The following LRRC4C variants were observed in gnomAD, a reference collection of about 807,000 sequenced individuals.
The protein encoded by LRRC4C is leucine-rich repeat-containing protein 4C.
Under a neutral mutation model 33.6 loss-of-function variants are expected in LRRC4C, and 5 were observed. The ratio of observed to expected loss-of-function variants is 0.15; its 90% CI spans 0.08 to 0.31. The LOEUF is 0.31. LRRC4C is among the 10% of genes least tolerant of loss of function. LRRC4C has a pLI of 1.00. For synonymous variants in LRRC4C, 329 were observed against 302.0 expected (o/e 1.09, Z -0.93); for missense variants, 560 against 796.7 (o/e 0.70, Z 3.58).
intron 1 of LRRC4C, among the ~76,000 whole-genome samples, chr11:41,157,602 C>T (rs1355479175): frequency 6.6e-6 from 1 of 152,084 alleles, no homozygotes; most frequent in Non-Finnish European, 1.5e-5. Flanking sequence ...ACATACCTTG[C>T]AAAAATTTCT....
chr11:40,493,080 A>C (rs1481204848), intron 3 of LRRC4C, among the ~76,000 whole-genome samples: 1 of 151,226 alleles, frequency 6.6e-6, no homozygotes, highest in Non-Finnish European at 1.5e-5. Flanking sequence ...ATATATATTA[A>C]ATATAAATAT....
chr11:40,979,859 G>T (rs1344841672), intron 1 of LRRC4C, among the ~76,000 whole-genome samples: 1 of 151,964 alleles, frequency 6.6e-6, no homozygotes, highest in East Asian at 1.9e-4. Context: ...GATTATCTCT[G>T]CTTTTCTTGA....
intron 1 of LRRC4C, among the ~76,000 whole-genome samples, chr11:41,212,644 T>C (rs1452997188): frequency 6.6e-6 from 1 of 152,178 alleles, no homozygotes; most frequent in Non-Finnish European, 1.5e-5. Context: ...CTCCCACTTA[T>C]AAGTGAGAAC....
chr11:40,772,816 G>A (rs1484074678), intron 2 of LRRC4C, among the ~76,000 whole-genome samples: 2 of 152,078 alleles, frequency 1.3e-5, no homozygotes, highest in East Asian at 3.9e-4. Context: ...TCTAAAAATA[G>A]TATTACCATA....
intron 1 of LRRC4C, among the ~76,000 whole-genome samples, chr11:40,996,045 T>C (rs760508284): frequency 2.0e-5 from 3 of 152,220 alleles, no homozygotes; most frequent in Admixed American, 6.5e-5. Flanking sequence ...CCACTGTTCA[T>C]GAGATTTCCA....
intron 1 of LRRC4C, among the ~76,000 whole-genome samples, chr11:41,261,939 A>C (rs1184308901): frequency 6.6e-6 from 1 of 152,124 alleles, no homozygotes; most frequent in East Asian, 1.9e-4. Flanking sequence ...CCAGGATGGA[A>C]CTAGGGACAT....
At chr11:41,369,339 T>C (rs1311292521) in intron 1 of LRRC4C, among the ~76,000 whole-genome samples, 1 of 151,922 alleles carries the variant, frequency 6.6e-6, no homozygotes, top group Non-Finnish European at 1.5e-5. Context: ...AGATCAGAGT[T>C]GATTTAGAAA....
At chr11:40,135,140 T>C (rs1856882465) in intron 6 of LRRC4C, among the ~76,000 whole-genome samples, 1 of 152,234 alleles carries the variant, frequency 6.6e-6, no homozygotes, top group African/African-American at 2.4e-5. Context: ...ACCTTGGTGA[T>C]GACATGTCAG....
chr11:40,882,511 A>G (rs1381585475), intron 2 of LRRC4C, among the ~76,000 whole-genome samples: 1 of 151,944 alleles, frequency 6.6e-6, no homozygotes, highest in Non-Finnish European at 1.5e-5. Flanking sequence ...GTCCCAATAT[A>G]TATTCCACCT....
At chr11:40,701,778 C>A (rs1286137950) in intron 2 of LRRC4C, among the ~76,000 whole-genome samples, 2 of 151,570 alleles carry the variant, frequency 1.3e-5, no homozygotes, top group African/African-American at 4.8e-5. Flanking sequence ...AATAGAGTCA[C>A]CCTATTTAAT....
intron 2 of LRRC4C, among the ~76,000 whole-genome samples, chr11:40,794,319 A>C (rs1241574421): frequency 6.6e-6 from 1 of 151,736 alleles, no homozygotes; most frequent in Non-Finnish European, 1.5e-5. Context: ...TGAATAAAGA[A>C]AAGAATATAT....
intron 3 of LRRC4C, among the ~76,000 whole-genome samples, chr11:40,487,515 C>T (rs1734038715): frequency 6.6e-6 from 1 of 151,870 alleles, no homozygotes; most frequent in South Asian, 2.1e-4. Flanking sequence ...CCTGGGTGGG[C>T]CTTAACTAGA....
chr11:40,747,522 C>T (rs1013222520), intron 2 of LRRC4C, among the ~76,000 whole-genome samples: 2 of 151,574 alleles, frequency 1.3e-5, no homozygotes, highest in Non-Finnish European at 2.9e-5. Flanking sequence ...ATGATGTCAC[C>T]ACCGAAGGAG....
chr11:40,645,241 G>C (rs1430417979), intron 3 of LRRC4C, among the ~76,000 whole-genome samples: 1 of 152,136 alleles, frequency 6.6e-6, no homozygotes, highest in Non-Finnish European at 1.5e-5. Context: ...CATATGCTAT[G>C]ATCTCAGTGA....
chr11:40,600,771 G>A (rs932251993), intron 3 of LRRC4C, among the ~76,000 whole-genome samples: 1 of 152,174 alleles, frequency 6.6e-6, no homozygotes. Flanking sequence ...AATAAGAGAT[G>A]TAGATAGACT....
At chr11:40,340,100 T>C (rs1253781604) in intron 3 of LRRC4C, among the ~76,000 whole-genome samples, 1 of 152,182 alleles carries the variant, frequency 6.6e-6, no homozygotes, top group Non-Finnish European at 1.5e-5. Flanking sequence ...TAGTGTATTC[T>C]AATTTGCCTA....
intron 2 of LRRC4C, among the ~76,000 whole-genome samples, chr11:40,706,544 C>T (rs145591045): frequency 0.014 from 2,194 of 152,138 alleles, 23 homozygotes; most frequent in Non-Finnish European, 0.022. Flanking sequence ...ATTTCTGAGG[C>T]CTCTGTTCTG....
intron 3 of LRRC4C, among the ~76,000 whole-genome samples, chr11:40,476,142 G>A (rs1044489342): frequency 2.0e-5 from 3 of 152,076 alleles, no homozygotes; most frequent in Admixed American, 2.0e-4. Context: ...GTCTGAGACT[G>A]AAACCAATAT....
chr11:40,349,614 A>G (rs889731758), intron 3 of LRRC4C, among the ~76,000 whole-genome samples: 2 of 152,026 alleles, frequency 1.3e-5, no homozygotes, highest in African/African-American at 4.8e-5. Flanking sequence ...GGATTATACG[A>G]TAGTTCTATT....
Sources: gnomAD v4.1 joint callset for allele counts (sites outside exome capture counted in the v4.1 genomes callset) on GRCh38, gnomAD v4.1.1 for gene constraint, MANE v1.5 for transcripts, NCBI Gene and HGNC (gene_info 2026-07-23, HGNC 2026-07-21) for gene names.